NDNF: variants seen among roughly 807,000 people sequenced by gnomAD.
The protein encoded by NDNF is protein NDNF.
NDNF carries 16 observed loss-of-function variants against 42.0 expected under a neutral mutation model. The observed-to-expected ratio is 0.38, with a 90% CI of 0.26 to 0.58. The LOEUF is 0.58. Ranked by LOEUF, NDNF falls within the 20% of genes least tolerant of loss-of-function variation. The pLI is 0.67. For missense variants in NDNF, 616 were observed against 666.2 expected (o/e 0.92, Z 0.83); for synonymous variants, 248 against 251.7 (o/e 0.99, Z 0.14).
intron 1 of NDNF, among the ~76,000 whole-genome samples, chr4:121,062,694 T>C (rs1461746112): frequency 9.9e-5 from 15 of 152,114 alleles, no homozygotes; most frequent in Admixed American, 9.8e-4. Context: ...GTGTGGTTTT[T>C]CTTCTCCTAT....
chr4:121,070,225 A>G (rs1727566500), intron 1 of NDNF, among the ~76,000 whole-genome samples: 1 of 77,526 alleles, frequency 1.3e-5, no homozygotes. Context: ...CTTAACAAAC[A>G]ATAATGAATA....
intron 2 of NDNF, 78 bp from the exon 3 acceptor site, chr4:121,040,132 T>A (rs1409059897): frequency 2.2e-6 from 3 of 1,372,732 alleles, no homozygotes; most frequent in African/African-American, 3.0e-5. Flanking sequence ...AAAAATCATT[T>A]GGTTTTAATT....
chr4:121,069,685 G>A (rs1336128548), intron 1 of NDNF, among the ~76,000 whole-genome samples: 1 of 152,198 alleles, frequency 6.6e-6, no homozygotes. Flanking sequence ...AAGATTAAGG[G>A]CATTCACTGA....
At position 121,072,201 on chromosome 4, in the gene NDNF, T is replaced by C. The variant is rs1369031870; in HGVS notation, c.-210A>G. 3.3e-5 allele frequency: 5 copies of C among 152,626 alleles called. No individual in the cohort carries two copies. The East Asian group carries it at 7.7e-4, about 24-fold the overall frequency. The allele number at this position is 152,626 out of a possible 1,614,324, so 9.5% of individuals were successfully genotyped here. ...CAACTTTGCGGTCGGCACAGCAAAC[T>C]TCAAAGGCGGGCGAGGGCGGGCGGC... On this transcript the variant is annotated 5_prime_UTR_variant, in exon 1 of 4. Coordinates refer to ENST00000379692, the MANE Select transcript of NDNF (RefSeq NM_024574.4).
intron 1 of NDNF, among the ~76,000 whole-genome samples, chr4:121,071,260 C>T (rs1388213374): frequency 6.6e-6 from 1 of 152,132 alleles, no homozygotes; most frequent in East Asian, 1.9e-4. Context: ...TCGGTGGCCG[C>T]TCTGCTCTCC....
At chr4:121,051,558 T>A (rs528204173) in intron 1 of NDNF, among the ~76,000 whole-genome samples, 2 of 152,274 alleles carry the variant, frequency 1.3e-5, no homozygotes, top group Non-Finnish European at 2.9e-5. Flanking sequence ...CAGAATTACC[T>A]CTATCATCAC....
chr4:121,052,552 T>A (rs1399418272), intron 1 of NDNF, among the ~76,000 whole-genome samples: 1 of 152,226 alleles, frequency 6.6e-6, no homozygotes, highest in Non-Finnish European at 1.5e-5. Context: ...GCATTTGTTT[T>A]TGTTTGAATC....
At chr4:121,045,523 C>T (rs1040111812) in intron 2 of NDNF, 127 bp downstream of exon 2, 2 of 726,428 alleles carry the variant, frequency 2.8e-6, no homozygotes, top group Non-Finnish European at 4.5e-6. Context: ...CCCTTACTTA[C>T]AGAAAATCGG....
At chr4:121,040,140 A>ATT (rs3836716) in intron 2 of NDNF, 86 bp from the exon 3 acceptor site, 2,460 of 1,114,572 alleles carry the variant, frequency 2.2e-3, no homozygotes, top group Non-Finnish European at 2.6e-3. Flanking sequence ...TTTGGTTTTA[A>ATT]TTTTTTTTTC....
At chr4:121,037,826 A>C in intron 3 of NDNF, 169 bp from the exon 4 acceptor site, 1 of 528,694 alleles carries the variant, frequency 1.9e-6, no homozygotes, top group South Asian at 3.7e-5. Context: ...ACCATTATAC[A>C]TAATGTTCTT....
intron 1 of NDNF, among the ~76,000 whole-genome samples, chr4:121,047,362 T>C (rs1209017669): frequency 1.3e-5 from 2 of 152,236 alleles, no homozygotes; most frequent in Non-Finnish European, 2.9e-5. Flanking sequence ...TGCAAAGCAC[T>C]GTTCTAAGTT....
intron 1 of NDNF, among the ~76,000 whole-genome samples, chr4:121,054,847 T>G (rs1348036265): frequency 6.6e-6 from 1 of 152,184 alleles, no homozygotes; most frequent in Non-Finnish European, 1.5e-5. Context: ...CCAACTTTTT[T>G]GAGACAGGGT....
At chr4:121,053,643 T>C (rs890788861) in intron 1 of NDNF, among the ~76,000 whole-genome samples, 1 of 152,140 alleles carries the variant, frequency 6.6e-6, no homozygotes, top group Admixed American at 6.5e-5. Context: ...TATGGGAGAA[T>C]GCAAAGAAAA....
intron 1 of NDNF, among the ~76,000 whole-genome samples, chr4:121,056,688 A>G (rs886270394): frequency 1.8e-4 from 28 of 152,358 alleles, no homozygotes; most frequent in African/African-American, 6.5e-4. Context: ...GATCTTCAAC[A>G]TTCAAAAGGT....
At chr4:121,039,275 C>A (rs1726954342) in intron 3 of NDNF, among the ~76,000 whole-genome samples, 1 of 143,326 alleles carries the variant, frequency 7.0e-6, no homozygotes, top group Non-Finnish European at 1.5e-5. Context: ...GTAGGGCACC[C>A]ATTGTCAAGC....
intron 3 of NDNF, 64 bp from the exon 4 acceptor site, chr4:121,037,721 G>A: frequency 8.2e-7 from 1 of 1,225,646 alleles, no homozygotes; most frequent in Non-Finnish European, 1.1e-6. Context: ...CCAACCTTAA[G>A]TTATCCTTTT....
chr4:121,063,796 C>T (rs1727455979), intron 1 of NDNF, among the ~76,000 whole-genome samples: 1 of 152,146 alleles, frequency 6.6e-6, no homozygotes. Flanking sequence ...AAAGACTAAC[C>T]TTCTAGAAGG....
Position 121,072,397 on chromosome 4 carries a change from G to C in NDNF, c.-406C>G, listed in dbSNP as rs891284522. The C allele has an allele frequency of 5.3e-5, 8 of 151,848 alleles. 1 individual carries two copies. The highest frequency in any genetic ancestry group is 6.6e-5 in the Admixed American group (1 of 15,266). The allele number at this position is 151,848 out of a possible 1,614,324, so 9.4% of individuals were successfully genotyped here. Reference sequence around the variant, plus strand: ...CCGCGGGGCTGGCGCGGGCTTCGCCGGCCGCCGCTAGTCGCACAGGCGCCT... The same window carrying C: ...CCGCGGGGCTGGCGCGGGCTTCGCCCGCCGCCGCTAGTCGCACAGGCGCCT... On this transcript the variant is annotated 5_prime_UTR_variant, in exon 1 of 4. Coordinates refer to ENST00000379692, the MANE Select transcript of NDNF (RefSeq NM_024574.4).
At chr4:121,047,975 C>G (rs556294738) in intron 1 of NDNF, among the ~76,000 whole-genome samples, 2 of 152,340 alleles carry the variant, frequency 1.3e-5, no homozygotes, top group South Asian at 4.1e-4. Context: ...TTGATATAAT[C>G]TAACCAAGCA....
Sources: allele counts gnomAD v4.1 joint callset (sites outside exome capture counted in the v4.1 genomes callset), GRCh38; gene constraint gnomAD v4.1.1; transcripts MANE v1.5; gene names NCBI Gene and HGNC (gene_info 2026-07-23, HGNC 2026-07-21).